ANO1: variants seen among roughly 807,000 people sequenced by gnomAD.
ANO1 encodes the protein anoctamin-1.
ANO1 carries 59 observed loss-of-function variants against 124.0 expected under a neutral mutation model. That is an observed-to-expected ratio of 0.48 (90% CI 0.39 to 0.59). The LOEUF (loss-of-function observed/expected upper bound fraction) is 0.59, where lower values mean the gene tolerates loss of function less well. Among genes scored for constraint, ANO1 ranks in the 20% least tolerant of loss-of-function variants. The pLI is 0.00. For synonymous variants in ANO1, 529 were observed against 532.0 expected (o/e 0.99, Z 0.08); for missense variants, 1,059 against 1,328.0 (o/e 0.80, Z 3.15).
chr11:70,181,602 T>C (rs1194214433), intron 23 of ANO1, among the ~76,000 whole-genome samples: 1 of 152,144 alleles, frequency 6.6e-6, no homozygotes, highest in Non-Finnish European at 1.5e-5. Context: ...CGGAGCACAG[T>C]GGGCATCTCC....
intron 1 of ANO1, chr11:70,016,364 T>A (rs61886395): frequency 0.067 from 10,248 of 152,334 alleles, 460 homozygotes; most frequent in East Asian, 0.12. Flanking sequence ...TTGGCAAAAG[T>A]AATGGAATTT....
intron 1 of ANO1, chr11:70,085,326 A>C: frequency 8.4e-7 from 1 of 1,191,428 alleles, no homozygotes. Flanking sequence ...CTTCCCCCTG[A>C]GCCCTCCCAA....
intron 10 of ANO1, among the ~76,000 whole-genome samples, chr11:70,131,303 A>ATGTG (rs58686061): frequency 3.0e-4 from 45 of 149,130 alleles, no homozygotes; most frequent in South Asian, 1.9e-3. Context: ...TCAAAAATCA[A>ATGTG]TGTGTGTGTG....
chr11:70,125,961 C>T (rs2046495001), intron 9 of ANO1, 100 bp from the exon 10 acceptor site: 1 of 1,431,652 alleles, frequency 7.0e-7, no homozygotes, highest in South Asian at 1.5e-5. Flanking sequence ...GAACCAGTGC[C>T]CCTGGTTTGA....
intron 1 of ANO1, among the ~76,000 whole-genome samples, chr11:70,047,095 A>AG (rs1555005761): frequency 6.6e-6 from 1 of 151,272 alleles, no homozygotes; most frequent in African/African-American, 2.4e-5. Flanking sequence ...AAAAAAAAAA[A>AG]AAGAAAAAGA....
chr11:70,186,352 G>GAGGA (rs58940209), intron 25 of ANO1, among the ~76,000 whole-genome samples: 14,924 of 126,714 alleles, frequency 0.12, 994 homozygotes, highest in Non-Finnish European at 0.14. Flanking sequence ...GAGGGGGAGG[G>GAGGA]AGGAAGGAAG....
chr11:69,984,330 C>T (rs966527412), upstream of ANO1, among the ~76,000 whole-genome samples: 1 of 150,060 alleles, frequency 6.7e-6, no homozygotes, highest in Non-Finnish European at 1.5e-5. Context: ...CTGCCGCCCA[C>T]GGAGAATAAA....
chr11:70,000,572 T>C (rs1359128933), intron 1 of ANO1, among the ~76,000 whole-genome samples: 2 of 150,386 alleles, frequency 1.3e-5, no homozygotes, highest in African/African-American at 4.9e-5. Context: ...CTCATGGGTG[T>C]GGAGACTGAT....
chr11:70,123,608 T>C (rs1353218989), intron 8 of ANO1, among the ~76,000 whole-genome samples: 1 of 152,138 alleles, frequency 6.6e-6, no homozygotes, highest in Non-Finnish European at 1.5e-5. Flanking sequence ...CTCTGGCTCC[T>C]GGTGGGCAGC....
intron 1 of ANO1, among the ~76,000 whole-genome samples, chr11:69,988,830 G>A (rs535685709): frequency 1.1e-3 from 160 of 152,180 alleles, no homozygotes; most frequent in South Asian, 4.8e-3. Context: ...AAACTCAGCT[G>A]GTATATCCCC....
At chr11:70,154,056 G>A (rs1008754752) in intron 14 of ANO1, among the ~76,000 whole-genome samples, 2 of 152,122 alleles carry the variant, frequency 1.3e-5, no homozygotes, top group Non-Finnish European at 2.9e-5. Flanking sequence ...GTGAGCCACC[G>A]TGCCCAGCAA....
chr11:70,160,223 G>A (rs2047990785), intron 16 of ANO1, among the ~76,000 whole-genome samples: 1 of 152,158 alleles, frequency 6.6e-6, no homozygotes, highest in Non-Finnish European at 1.5e-5. Context: ...AGGGTGACAA[G>A]ACAGCCTGTG....
chr11:70,026,931 T>G (rs1856918818), intron 1 of ANO1, among the ~76,000 whole-genome samples: 1 of 152,164 alleles, frequency 6.6e-6, no homozygotes, highest in African/African-American at 2.4e-5. Context: ...CCCAGGGCCT[T>G]TGCACTTGCT....
intron 1 of ANO1, among the ~76,000 whole-genome samples, chr11:69,986,519 G>A (rs1306987743): frequency 1.6e-4 from 24 of 152,196 alleles, no homozygotes; most frequent in Non-Finnish European, 2.6e-4. Context: ...AATCCCGGGG[G>A]AGCGTCTTGC....
intron 12 of ANO1, 127 bp downstream of exon 12, chr11:70,149,919 G>GC (rs776960155): frequency 2.9e-6 from 3 of 1,022,024 alleles, no homozygotes; most frequent in East Asian, 5.2e-5. Flanking sequence ...AGGCAAGGCC[G>GC]CCCCCCATCC....
intron 25 of ANO1, among the ~76,000 whole-genome samples, chr11:70,185,928 G>C (rs931767003): frequency 1.1e-4 from 17 of 152,192 alleles, no homozygotes; most frequent in African/African-American, 4.1e-4. Flanking sequence ...AGAGGGGCCG[G>C]ATGAGCACCG....
At chr11:70,119,987 G>A (rs2046190143) in intron 8 of ANO1, among the ~76,000 whole-genome samples, 2 of 152,086 alleles carry the variant, frequency 1.3e-5, no homozygotes, top group Non-Finnish European at 2.9e-5. Flanking sequence ...AGGGAACTCT[G>A]CATTCTGCCA....
chr11:70,188,073 G>T lies in ANO1; in HGVS notation c.*69G>T. The T allele has an allele frequency of 6.7e-7, 1 of 1,497,274 alleles. No individual in the cohort carries two copies. Among genetic ancestry groups the T allele is most frequent in the South Asian group, 1.3e-5 (1 of 77,504 alleles). 92.7% of individuals were successfully genotyped at this position (1,497,274 alleles called of 1,614,324 possible). ...ATGGGCACCCTCTCCCAGGGCAGGC[G>T]GCTTCCCGCTCCCACCAGGGCCCGG... On this transcript the variant is annotated 3_prime_UTR_variant, in exon 26 of 26. Transcript: ENST00000355303.
At chr11:70,145,104 C>T (rs1163213946) in intron 11 of ANO1, among the ~76,000 whole-genome samples, 2 of 152,164 alleles carry the variant, frequency 1.3e-5, no homozygotes, top group East Asian at 3.9e-4. Context: ...GGCTCAGGAG[C>T]AGGAGAATTA....
Sources: allele counts gnomAD v4.1 joint callset (sites outside exome capture counted in the v4.1 genomes callset), GRCh38; gene constraint gnomAD v4.1.1; transcripts MANE v1.5; gene names NCBI Gene and HGNC (gene_info 2026-07-23, HGNC 2026-07-21).